P2RX6: variants seen among roughly 807,000 people sequenced by gnomAD.
P2RX6 encodes P2X purinoceptor 6.
P2RX6 carries 62 observed loss-of-function variants against 54.2 expected under a neutral mutation model. That is an observed-to-expected ratio of 1.14 (90% confidence interval 0.93 to 1.41). The LOEUF (loss-of-function observed/expected upper bound fraction) is 1.41, where lower values mean the gene tolerates loss of function less well. Ranked by LOEUF, P2RX6 falls within the 40% of genes most tolerant of loss-of-function variation. The pLI, the probability that P2RX6 is intolerant of heterozygous loss-of-function variation, is 0.00. For synonymous variants in P2RX6, 211 were observed against 231.9 expected (o/e 0.91, Z 0.82); for missense variants, 541 against 566.3 (o/e 0.96, Z 0.45).
At chr22:21,017,904 C>G (rs750904280) in intron 2 of P2RX6, 85 bp from the exon 3 acceptor site, 1 of 810,674 alleles carries the variant, frequency 1.2e-6, no homozygotes, top group Non-Finnish European at 2.1e-6. Flanking sequence ...GCCAACATCC[C>G]TTCCCTCATA....
Position 21,023,004 on chromosome 22 carries a change from T to C in P2RX6, c.526T>C (p.Trp176Arg), listed in dbSNP as rs766544824. Residue 176 changes from tryptophan (W) to arginine (R), a missense_variant, in exon 5 of 12, where the codon TGG becomes CGG. Trp to Arg is a moderately radical substitution (Grantham distance 101). Around this residue, in one of 2 missense-constraint regions of P2RX6, gnomAD observed 526 missense variants for 531.5 expected, o/e 0.99. Transcript: ENST00000413302. ...GTHRTCEIWS[W>R]CPVESGVVPS... ...CCACAGGACCTGTGAGATCTGGAGT[T>C]GGTGCCCCGTGGAGAGTGGCGTTGT... is the stretch of plus-strand genomic sequence containing the variant. The C allele has an allele frequency of 1.9e-6, 3 of 1,613,400 alleles. No homozygotes were observed. The highest frequency in any genetic ancestry group is 2.5e-6 in the Non-Finnish European group (3 of 1,179,564).
chr22:21,021,795 C>T (rs1927448661), intron 3 of P2RX6, among the ~76,000 whole-genome samples: 1 of 152,116 alleles, frequency 6.6e-6, no homozygotes, highest in Admixed American at 6.5e-5. Context: ...GCCAGAGCCC[C>T]ATAGTCCTAT....
At chr22:21,022,051 G>A (rs959757751) in intron 3 of P2RX6, among the ~76,000 whole-genome samples, 2 of 152,164 alleles carry the variant, frequency 1.3e-5, no homozygotes, top group Admixed American at 1.3e-4. Context: ...AATCACTTCC[G>A]CATCCACCAG....
chr22:21,015,740 T>C (rs1179483847), intron 1 of P2RX6, among the ~76,000 whole-genome samples: 6 of 152,016 alleles, frequency 3.9e-5, no homozygotes, highest in Admixed American at 6.5e-5. Flanking sequence ...TCTGAGGGCA[T>C]TGGCTCTCTG....
rs1304446262 is a variant in P2RX6 at position 21,018,075 on chromosome 22, G to C, written c.387+15G>C. 1.3e-6 allele frequency: 2 copies of C among 1,590,094 alleles called. No individual in the cohort carries two copies. Among genetic ancestry groups the C allele is most frequent in the East Asian group, 4.5e-5 (2 of 44,678 alleles). ...GATGCCCAGAGGTGAGTTTACCCAGGATCCTCCCAGCGGGTCCCTTGTTCC... is the reference window on the plus strand; with the variant it reads ...GATGCCCAGAGGTGAGTTTACCCAGCATCCTCCCAGCGGGTCCCTTGTTCC... On this transcript the variant is annotated intron_variant, in intron 3 of 11. Transcript: ENST00000413302.
upstream of P2RX6, among the ~76,000 whole-genome samples, chr22:21,012,107 C>T (rs1428669993): frequency 1.3e-5 from 2 of 152,292 alleles, no homozygotes; most frequent in African/African-American, 4.8e-5. Flanking sequence ...TCATAGGTCA[C>T]CCCGTTTTCT....
chr22:21,009,967 G>A (rs969505045), intron 1 of P2RX6: 2 of 152,306 alleles, frequency 1.3e-5, no homozygotes, highest in African/African-American at 4.8e-5. Context: ...GGGAGGCCCT[G>A]TTTTTGCTGA....
chr22:21,018,061 G>A lies in P2RX6; in HGVS notation c.387+1G>A. On this transcript the variant is annotated splice_donor_variant, in intron 3 of 11. Transcript: ENST00000413302. LOFTEE classifies it high-confidence loss of function. ...CCAAGTTCAGGGCAGATGCCCAGAG[G>A]TGAGTTTACCCAGGATCCTCCCAGC... is the stretch of plus-strand genomic sequence containing the variant. 6.2e-7 allele frequency: 1 copy of A among 1,607,064 alleles called. No homozygotes were observed. Among genetic ancestry groups the A allele is most frequent in the African/African-American group, 1.3e-5 (1 of 74,900 alleles).
rs1291341662 is a variant in P2RX6 at position 21,016,007 on chromosome 22, C to A, written c.230C>A (p.Thr77Asn). Residue 77 changes from threonine (T) to asparagine (N), a missense_variant, in exon 2 of 12, where the codon ACC becomes AAC. By Grantham distance (65) the Thr-to-Asn change is moderately conservative. Around this residue, in one of 2 missense-constraint regions of P2RX6, gnomAD observed 526 missense variants for 531.5 expected, o/e 0.99. Coordinates refer to ENST00000413302, the MANE Select transcript of P2RX6 (RefSeq NM_005446.5). ...CTGGAACCCCAGTTTTCCATCATCACCAAACTCAAAGGGGTTTCCGTCACT... is the reference window on the plus strand; with the variant it reads ...CTGGAACCCCAGTTTTCCATCATCAACAAACTCAAAGGGGTTTCCGTCACT... ...RDLEPQFSII[T>N]KLKGVSVTQI... 6.4e-7 allele frequency: 1 copy of A among 1,551,810 alleles called. No homozygotes were observed. The highest frequency in any genetic ancestry group is 1.2e-5 in the South Asian group (1 of 84,064).
At position 21,022,890 on chromosome 22, in the gene P2RX6, T is replaced by A; in HGVS notation, c.464-52T>A. ...GCCAACAACCCCCTGGCTGAAGGCC[T>A]CCCCAGGCCTGCAGAGATTTGAAGG... On this transcript the variant is annotated intron_variant, in intron 4 of 11. Coordinates refer to ENST00000413302, the MANE Select transcript of P2RX6 (RefSeq NM_005446.5). 5.1e-6 allele frequency: 8 copies of A among 1,558,004 alleles called. No homozygotes were observed. In the South Asian group the frequency reaches 8.9e-5, roughly 17 times the overall value.
At chr22:21,018,266 T>A in intron 3 of P2RX6, 1 of 566,430 alleles carries the variant, frequency 1.8e-6, no homozygotes, top group Non-Finnish European at 3.2e-6. Context: ...GTGATCCCCA[T>A]TTCAGAGGAG....
At position 21,025,887 on chromosome 22, in the gene P2RX6, G is replaced by A. The variant is rs533943590; in HGVS notation, c.973G>A (p.Val325Ile). Reference sequence around the variant, plus strand: ...CTATGGAATCCGCTTCGACATCCTCGTCACCGGGCAGGTAGGCACAGGTAG... The same window carrying A: ...CTATGGAATCCGCTTCGACATCCTCATCACCGGGCAGGTAGGCACAGGTAG... ...KLYGIRFDIL[V>I]TGQAGKFGLI... The change falls in exon 9 of 12, where the codon GTC becomes ATC. Residue 325 changes from valine (V) to isoleucine (I), a missense_variant. This residue lies in a region of P2RX6 where 526 missense variants were observed against 531.5 expected (regional missense o/e 0.99). Transcript: ENST00000413302. The A allele has an allele frequency of 2.2e-5, 34 of 1,577,394 alleles. No homozygotes were observed. The highest frequency in any genetic ancestry group is 2.0e-4 in the South Asian group (17 of 85,968).
Position 21,015,488 on chromosome 22 carries a change from C to T in P2RX6, c.164+150C>T, listed in dbSNP as rs548378444. 124 of 897,678 alleles carry T rather than the reference C, an allele frequency of 1.4e-4. No individual in the cohort carries two copies. In the African/African-American group the frequency reaches 1.9e-3, roughly 14 times the overall value. The allele number at this position is 897,678 out of a possible 1,614,324, so 55.6% of individuals were successfully genotyped here. A position where few individuals can be genotyped will look rare whatever the true frequency, so the allele number is the denominator to read the frequency against. ...TGGGACGGGGTTGGGGAGAGCTAGG[C>T]GATACAAGACAGGAGAGCAAGAACA... On this transcript the variant is annotated intron_variant, in intron 1 of 11. Transcript: ENST00000413302.
At position 21,026,013 on chromosome 22, in the gene P2RX6, A is replaced by AG. The variant is rs775145199; in HGVS notation, c.990dup (p.Lys331GlufsTer26). ...GGTTCAGCTCAGATCTCTCTCAGGCAGGGAAGTTCGGGCTCATCCCCACGG... is the reference window on the plus strand; with the variant it reads ...GGTTCAGCTCAGATCTCTCTCAGGCAGGGGAAGTTCGGGCTCATCCCCACGG... On this transcript the variant is annotated frameshift_variant, in exon 10 of 12. Transcript: ENST00000413302. LOFTEE classifies it high-confidence loss of function. This position sits in a 1 kb window ranked among gnomAD's most constrained non-coding sequence, Gnocchi z 4.0. The AG allele has an allele frequency of 1.0e-4, 164 of 1,610,794 alleles. No homozygotes were observed. Among genetic ancestry groups the AG allele is most frequent in the Middle Eastern group, 4.9e-4 (3 of 6,072 alleles).
chr22:21,012,459 G>A (rs1431234503), upstream of P2RX6: 4 of 457,176 alleles, frequency 8.7e-6, no homozygotes, highest in Non-Finnish European at 1.7e-5. Flanking sequence ...AGCTTTCAGG[G>A]GTGGAGGCAC....
Position 21,015,951 on chromosome 22 carries a change from C to G in P2RX6, c.174C>G (p.Leu58=), listed in dbSNP as rs1218321801. ...GIVVYVVGWA[L]LAKKGYQERD... is the part of the protein sequence containing the mutation. ...GACTTCTCCTCCCCAGGTGGGCTCT[C>G]CTCGCCAAAAAAGGCTACCAGGAGC... The change falls in exon 2 of 12, where the codon CTC becomes CTG. Residue 58 remains leucine, a synonymous_variant. Transcript: ENST00000413302. The G allele has an allele frequency of 1.9e-6, 3 of 1,549,604 alleles. No homozygotes were observed. Among genetic ancestry groups the G allele is most frequent in the Non-Finnish European group, 2.6e-6 (3 of 1,146,944 alleles).
At chr22:21,019,325 G>A (rs200619703) in intron 3 of P2RX6, among the ~76,000 whole-genome samples, 1 of 151,090 alleles carries the variant, frequency 6.6e-6, no homozygotes, top group South Asian at 2.1e-4. Flanking sequence ...TTGTTTGTTT[G>A]TTTTTTTGAG....
intron 3 of P2RX6, 184 bp downstream of exon 3, chr22:21,018,244 G>C: frequency 6.7e-6 from 4 of 599,178 alleles, no homozygotes; most frequent in Non-Finnish European, 1.2e-5. Flanking sequence ...CCCCTGCCTG[G>C]TAGGAAGTCC....
intron 3 of P2RX6, chr22:21,018,396 T>G (rs1344174653): frequency 2.7e-6 from 1 of 365,482 alleles, no homozygotes; most frequent in African/African-American, 2.1e-5. Context: ...CCCATCCTGG[T>G]CCTGCCTCTG....
Sources: gnomAD v4.1 joint callset for allele counts (sites outside exome capture counted in the v4.1 genomes callset) on GRCh38, gnomAD v4.1.1 for gene constraint, gnomAD v4.1.1 regional missense constraint, Gnocchi (gnomAD v3.1) non-coding constraint, MANE v1.5 for transcripts, NCBI Gene and HGNC (gene_info 2026-07-23, HGNC 2026-07-21) for gene names.